CBR4: variants seen among roughly 807,000 people sequenced by gnomAD.
CBR4 encodes the protein 3-oxoacyl-[acyl-carrier-protein] reductase.
In CBR4, 22 loss-of-function variants were observed where a neutral mutation model predicts 21.0. The observed-to-expected ratio is 1.05, with a 90% CI of 0.75 to 1.50. CBR4 has a LOEUF of 1.50. Ranked by LOEUF, CBR4 falls within the 40% of genes most tolerant of loss-of-function variation. The pLI is 0.00. For synonymous variants in CBR4, 100 were observed against 104.4 expected (o/e 0.96, Z 0.26); for missense variants, 302 against 286.3 (o/e 1.05, Z -0.40).
At chr4:168,939,055 A>T (rs887508963) in intron 2 of CBR4, among the ~76,000 whole-genome samples, 1 of 152,230 alleles carries the variant, frequency 6.6e-6, no homozygotes, top group East Asian at 1.9e-4. Flanking sequence ...TCAATAAAAT[A>T]CTGGCAGACA....
At chr4:168,987,519 T>G (rs1210389087), downstream of CBR4, 8 of 432,094 alleles carry the variant, frequency 1.9e-5, no homozygotes, top group Non-Finnish European at 2.5e-5. Flanking sequence ...AGTTTTACAA[T>G]TGAATTGAAA....
At chr4:168,977,223 C>T (rs1037015828) in intron 2 of CBR4, among the ~76,000 whole-genome samples, 3 of 152,216 alleles carry the variant, frequency 2.0e-5, no homozygotes, top group East Asian at 1.9e-4. Flanking sequence ...ATCTCCCCCA[C>T]AAAAACAATT....
At chr4:168,929,861 T>C (rs1582280257) in intron 2 of CBR4, among the ~76,000 whole-genome samples, 1 of 152,192 alleles carries the variant, frequency 6.6e-6, no homozygotes, top group East Asian at 1.9e-4. Context: ...AGCTATTATT[T>C]TAGTGTAGTT....
chr4:168,956,607 A>T (rs1437309033), intron 2 of CBR4, among the ~76,000 whole-genome samples: 43 of 149,072 alleles, frequency 2.9e-4, no homozygotes, highest in African/African-American at 9.9e-4. Context: ...CAAAAAAAAA[A>T]AAAAAAAAAA....
At chr4:168,918,825 A>G (rs1294194244) in intron 2 of CBR4, among the ~76,000 whole-genome samples, 1 of 152,240 alleles carries the variant, frequency 6.6e-6, no homozygotes, top group Non-Finnish European at 1.5e-5. Flanking sequence ...ATTCATACAG[A>G]CCACTTGTAA....
chr4:168,924,913 T>C (rs1762280301), intron 2 of CBR4: 3 of 1,613,638 alleles, frequency 1.9e-6, no homozygotes, highest in Non-Finnish European at 8.5e-7. Context: ...TTAAAAAATT[T>C]AGAACCCTAA....
downstream of CBR4, among the ~76,000 whole-genome samples, chr4:168,983,159 A>G (rs1452989262): frequency 6.6e-6 from 1 of 152,180 alleles, no homozygotes; most frequent in Non-Finnish European, 1.5e-5. Flanking sequence ...TAAGATTGAT[A>G]GACTGCTAGC....
At chr4:168,910,598 T>C (rs1758727502) in intron 2 of CBR4, among the ~76,000 whole-genome samples, 1 of 152,242 alleles carries the variant, frequency 6.6e-6, no homozygotes, top group African/African-American at 2.4e-5. Context: ...ATTGGCTTCA[T>C]GCAAAACACA....
intron 2 of CBR4, chr4:168,903,849 C>G (rs1716307485): frequency 6.2e-7 from 1 of 1,613,554 alleles, no homozygotes; most frequent in African/African-American, 1.3e-5. Context: ...CCCTCCATAC[C>G]ACAGCCTCCA....
At chr4:168,895,315 G>A (rs532102139) in intron 2 of CBR4, among the ~76,000 whole-genome samples, 3 of 152,322 alleles carry the variant, frequency 2.0e-5, no homozygotes, top group African/African-American at 4.8e-5. Context: ...CCGGGAGGTG[G>A]AGGTTGCAGT....
intron 2 of CBR4, among the ~76,000 whole-genome samples, chr4:168,922,185 T>C (rs1211931288): frequency 6.6e-6 from 1 of 151,232 alleles, no homozygotes; most frequent in East Asian, 1.9e-4. Context: ...CTCATAGTCA[T>C]TGTCAAACTA....
At chr4:168,931,935 A>G (rs1762981164) in intron 2 of CBR4, among the ~76,000 whole-genome samples, 2 of 146,264 alleles carry the variant, frequency 1.4e-5, no homozygotes, top group Non-Finnish European at 3.0e-5. Flanking sequence ...ATCCTCCAAT[A>G]CAAATACGTC....
In CBR4 at chr4:168,944,533, T is replaced by C. The variant is rs544266447; in HGVS notation, n.170-49768A>G. 2.6e-5 allele frequency among the ~76,000 whole-genome samples: 4 copies of C among 152,118 alleles called. No individual in the cohort carries two copies. The East Asian group carries it at 7.7e-4, about 29-fold the overall frequency. On this transcript the variant is annotated intron_variant and non_coding_transcript_variant, in intron 2 of 3. Transcript: ENST00000509108. ...GAGAGAAAAGAAAAGAAAAAAGTTT[T>C]ATGAGTTTACTCTCAATCTGAGTCG...
At chr4:169,009,035 G>A (rs1307594259) in intron 1 of CBR4, 2 of 449,088 alleles carry the variant, frequency 4.5e-6, no homozygotes, top group African/African-American at 2.1e-5. Flanking sequence ...GGTCCAGCAC[G>A]GGCAACATAA....
Position 168,988,301 on chromosome 4 carries a change from A to G in CBR4, c.*1849T>C, listed in dbSNP as rs546499706. On this transcript the variant is annotated 3_prime_UTR_variant, in exon 5 of 5. Transcript: ENST00000306193. ...AGGAGGTGGAATAGCTTAAAAGGTT[A>G]TATTTCTTATTTTAAAGTATAAAAA... 29 of 984,948 alleles carry G rather than the reference A, an allele frequency of 2.9e-5. No homozygotes were observed. The African/African-American group carries it at 3.8e-4, about 13-fold the overall frequency. 61.0% of individuals were successfully genotyped at this position (984,948 alleles called of 1,614,324 possible). A position where few individuals can be genotyped will look rare whatever the true frequency, so the allele number is the denominator to read the frequency against.
intron 2 of CBR4, among the ~76,000 whole-genome samples, chr4:168,953,764 T>C (rs1297002671): frequency 3.3e-5 from 5 of 152,190 alleles, no homozygotes; most frequent in Admixed American, 6.5e-5. Context: ...CCTAAGAAGA[T>C]AGCCAAAGAT....
intron 1 of CBR4, among the ~76,000 whole-genome samples, chr4:169,008,211 G>A (rs528344620): frequency 1.3e-5 from 2 of 152,008 alleles, no homozygotes; most frequent in South Asian, 2.1e-4. Flanking sequence ...TAAGTGCTAC[G>A]GATGCACTAT....
chr4:168,986,885 T>A (rs1191510377), downstream of CBR4, among the ~76,000 whole-genome samples: 1 of 152,136 alleles, frequency 6.6e-6, no homozygotes, highest in Non-Finnish European at 1.5e-5. Flanking sequence ...GAGATGGCAG[T>A]GAGCTGTGAT....
At chr4:168,955,355 C>T (rs751705213) in intron 2 of CBR4, among the ~76,000 whole-genome samples, 2 of 152,152 alleles carry the variant, frequency 1.3e-5, no homozygotes, top group Non-Finnish European at 2.9e-5. Flanking sequence ...TAGGAAATGA[C>T]TCTCCAAATA....
Sources: gnomAD v4.1 joint callset for allele counts (sites outside exome capture counted in the v4.1 genomes callset) on GRCh38, gnomAD v4.1.1 for gene constraint, MANE v1.5 for transcripts, NCBI Gene and HGNC (gene_info 2026-07-23, HGNC 2026-07-21) for gene names.